HDAC9: variants seen among roughly 807,000 people sequenced by gnomAD.
HDAC9 encodes the protein MEF-2 interacting transcription repressor (MITR) protein.
In HDAC9, 41 loss-of-function variants were observed where a neutral mutation model predicts 139.4. That is an observed-to-expected ratio of 0.29 (90% CI 0.23 to 0.38). HDAC9 has a LOEUF of 0.38. Ranked by LOEUF, HDAC9 falls within the 10% of genes least tolerant of loss-of-function variation. The pLI is 1.00. For synonymous variants in HDAC9, 517 were observed against 476.2 expected (o/e 1.09, Z -1.12); for missense variants, 1,147 against 1,297.0 (o/e 0.88, Z 1.78).
chr7:18,146,953 G>C lies in HDAC9; in HGVS notation c.-96-15276G>C, dbSNP rs549919748. ...GTTTGATAGAAGTATAAGTAACAAG[G>C]GAAAAATATGAAACCACAAAAAGTG... On this transcript the variant is annotated intron_variant, in intron 1 of 12. Transcript: ENST00000417496. Among the ~76,000 whole-genome samples the C allele has an allele frequency of 3.3e-5, 5 of 152,088 alleles. No homozygotes were observed. The South Asian group carries it at 1.0e-3, about 32-fold the overall frequency.
intron 2 of HDAC9, among the ~76,000 whole-genome samples, chr7:18,570,662 C>T (rs1336874974): frequency 2.4e-4 from 36 of 152,102 alleles, no homozygotes. Flanking sequence ...TGACCTTGGC[C>T]AAGCTCCTCT....
At chr7:18,676,633 T>A (rs1163298828) in intron 12 of HDAC9, among the ~76,000 whole-genome samples, 1 of 152,018 alleles carries the variant, frequency 6.6e-6, no homozygotes, top group Non-Finnish European at 1.5e-5. Context: ...TACTGTAAAT[T>A]ATAAATTATT....
At chr7:18,113,911 T>C (rs1459767485) in intron 1 of HDAC9, among the ~76,000 whole-genome samples, 1 of 152,230 alleles carries the variant, frequency 6.6e-6, no homozygotes, top group Non-Finnish European at 1.5e-5. Context: ...ATGCTAAATA[T>C]GGCTGTTGAT....
chr7:18,704,641 A>G (rs995976746), intron 12 of HDAC9, among the ~76,000 whole-genome samples: 1 of 152,208 alleles, frequency 6.6e-6, no homozygotes, highest in Non-Finnish European at 1.5e-5. Context: ...GAGCAAAGAT[A>G]AAATGAAGAA....
At chr7:18,933,306 C>T (rs1563067527) in intron 22 of HDAC9, among the ~76,000 whole-genome samples, 1 of 151,976 alleles carries the variant, frequency 6.6e-6, no homozygotes. Flanking sequence ...ACTCTGGGTC[C>T]TTTTTGTTAA....
intron 7 of HDAC9, among the ~76,000 whole-genome samples, chr7:18,634,194 A>G (rs533885145): frequency 1.3e-5 from 2 of 151,932 alleles, no homozygotes; most frequent in Non-Finnish European, 2.9e-5. Flanking sequence ...CATTTGAACA[A>G]TTTTTTTCAG....
intron 2 of HDAC9, among the ~76,000 whole-genome samples, chr7:18,215,204 G>A (rs1026531663): frequency 3.3e-5 from 5 of 151,952 alleles, no homozygotes; most frequent in East Asian, 1.9e-4. Flanking sequence ...AGAGTTGTAC[G>A]CAAGATCTAG....
At chr7:18,826,766 A>C (rs894742592) in intron 17 of HDAC9, among the ~76,000 whole-genome samples, 3 of 151,176 alleles carry the variant, frequency 2.0e-5, no homozygotes, top group Non-Finnish European at 4.4e-5. Context: ...TTCTTCCATA[A>C]TGCTTTCTAA....
intron 1 of HDAC9, chr7:18,428,915 T>G (rs760529031): frequency 4.6e-5 from 7 of 152,344 alleles, no homozygotes; most frequent in Non-Finnish European, 8.8e-5. Context: ...CTGATCCCAG[T>G]GCTTAGAGAG....
intron 14 of HDAC9, among the ~76,000 whole-genome samples, chr7:18,756,163 A>G (rs1433894956): frequency 6.6e-6 from 1 of 152,168 alleles, no homozygotes; most frequent in African/African-American, 2.4e-5. Context: ...TCCAAGGTGC[A>G]GCCAATGTTA....
At chr7:18,816,957 G>A (rs1330238489) in intron 17 of HDAC9, among the ~76,000 whole-genome samples, 3 of 151,880 alleles carry the variant, frequency 2.0e-5, no homozygotes, top group African/African-American at 7.3e-5. Context: ...AATTTTTTGG[G>A]CCCTATTCAA....
chr7:18,809,375 A>C (rs1205014563), intron 17 of HDAC9, among the ~76,000 whole-genome samples: 3 of 152,066 alleles, frequency 2.0e-5, no homozygotes, highest in Non-Finnish European at 4.4e-5. Context: ...ATAGCAAAGA[A>C]AACAATCGAC....
intron 2 of HDAC9, among the ~76,000 whole-genome samples, chr7:18,270,930 G>A (rs937860921): frequency 1.3e-5 from 2 of 151,874 alleles, no homozygotes; most frequent in Admixed American, 6.6e-5. Flanking sequence ...TTTATTATTC[G>A]ATTCTGTGTA....
At chr7:18,229,212 T>A (rs923868217) in intron 2 of HDAC9, among the ~76,000 whole-genome samples, 3 of 152,170 alleles carry the variant, frequency 2.0e-5, no homozygotes, top group African/African-American at 7.2e-5. Context: ...TGAGATTGAA[T>A]GTCACATTCT....
intron 1 of HDAC9, among the ~76,000 whole-genome samples, chr7:18,434,154 A>G (rs1790950211): frequency 6.6e-6 from 1 of 152,230 alleles, no homozygotes; most frequent in East Asian, 1.9e-4. Flanking sequence ...GACAAAAACA[A>G]GCAAAGGGGA....
intron 22 of HDAC9, among the ~76,000 whole-genome samples, chr7:18,880,516 G>A (rs572467121): frequency 1.4e-4 from 21 of 152,108 alleles, no homozygotes; most frequent in Non-Finnish European, 2.4e-4. Flanking sequence ...CATGGATGGA[G>A]CTGGAGGCTA....
intron 16 of HDAC9, among the ~76,000 whole-genome samples, chr7:18,787,671 G>C (rs1038637231): frequency 2.6e-5 from 4 of 152,220 alleles, no homozygotes; most frequent in African/African-American, 4.8e-5. Flanking sequence ...TCACTAGCCT[G>C]TGTGTACAGC....
At chr7:18,859,875 A>T (rs1459254857) in intron 21 of HDAC9, among the ~76,000 whole-genome samples, 1 of 138,314 alleles carries the variant, frequency 7.2e-6, no homozygotes, top group Non-Finnish European at 1.6e-5. Context: ...AGAATGAGAG[A>T]GAGAGAAATA....
At chr7:18,381,728 A>G (rs1382959907) in intron 1 of HDAC9, among the ~76,000 whole-genome samples, 4 of 152,170 alleles carry the variant, frequency 2.6e-5, no homozygotes, top group African/African-American at 7.2e-5. Context: ...ATTAGAGACA[A>G]CTTTAACAGA....
Sources: allele counts gnomAD v4.1 joint callset (sites outside exome capture counted in the v4.1 genomes callset), GRCh38; gene constraint gnomAD v4.1.1; transcripts MANE v1.5; gene names NCBI Gene and HGNC (gene_info 2026-07-23, HGNC 2026-07-21).